CHSY3: variants seen among roughly 807,000 people sequenced by gnomAD.
The protein encoded by CHSY3 is N-acetylgalactosaminyl-proteoglycan 3-beta-glucuronosyltransferase 3.
Under a neutral mutation model 67.2 loss-of-function variants are expected in CHSY3, and 35 were observed. The observed-to-expected ratio is 0.52, with a 90% CI of 0.40 to 0.69. The LOEUF (loss-of-function observed/expected upper bound fraction) is 0.69. Ranked by LOEUF, CHSY3 falls within the 30% of genes least tolerant of loss-of-function variation. The pLI, the probability that CHSY3 is intolerant of heterozygous loss-of-function variation, is 0.00. For synonymous variants in CHSY3, 474 were observed against 434.7 expected (o/e 1.09, Z -1.12); for missense variants, 1,069 against 1,138.5 (o/e 0.94, Z 0.88).
intron 2 of CHSY3, among the ~76,000 whole-genome samples, chr5:130,021,105 T>C (rs1764377152): frequency 6.6e-6 from 1 of 152,184 alleles, no homozygotes; most frequent in Non-Finnish European, 1.5e-5. Context: ...ATTACCAATA[T>C]TTATGTAGCA....
At chr5:130,057,663 T>A (rs1192488095) in intron 2 of CHSY3, among the ~76,000 whole-genome samples, 1 of 152,182 alleles carries the variant, frequency 6.6e-6, no homozygotes, top group Non-Finnish European at 1.5e-5. Context: ...AATGTAAGTA[T>A]AAAAGGACTA....
At chr5:129,945,946 AAGAG>A (rs540234974) in intron 2 of CHSY3, among the ~76,000 whole-genome samples, 1 of 152,110 alleles carries the variant, frequency 6.6e-6, no homozygotes, top group Non-Finnish European at 1.5e-5. Context: ...TCAGAGAAAA[AAGAG>A]AGATTTTGAG....
chr5:130,135,113 A>AT (rs993435532), intron 2 of CHSY3, among the ~76,000 whole-genome samples: 7 of 152,074 alleles, frequency 4.6e-5, no homozygotes, highest in Non-Finnish European at 8.8e-5. Context: ...ATTTTTAAAC[A>AT]TACATACAGT....
chr5:130,078,200 CAA>C (rs1333459494), intron 2 of CHSY3, among the ~76,000 whole-genome samples: 2 of 152,094 alleles, frequency 1.3e-5, no homozygotes, highest in African/African-American at 4.8e-5. Context: ...GCCATCCGTA[CAA>C]CTTTACCTGG....
chr5:129,971,327 G>T (rs529632151), intron 2 of CHSY3, among the ~76,000 whole-genome samples: 5 of 151,728 alleles, frequency 3.3e-5, no homozygotes, highest in African/African-American at 1.2e-4. Context: ...TTAAAGATAT[G>T]AAATAATAAT....
intron 2 of CHSY3, among the ~76,000 whole-genome samples, chr5:130,057,880 T>C (rs1054438024): frequency 6.6e-6 from 1 of 151,890 alleles, no homozygotes; most frequent in Admixed American, 6.6e-5. Context: ...ATACTGCCTA[T>C]GTCAACACAT....
chr5:129,927,191 CT>C (rs1761145436), intron 2 of CHSY3, among the ~76,000 whole-genome samples: 1 of 151,630 alleles, frequency 6.6e-6, no homozygotes, highest in Admixed American at 6.6e-5. Context: ...TCTAATATTT[CT>C]TTGTTTTCTG....
upstream of CHSY3, chr5:129,904,359 C>T (rs2149570854): frequency 6.5e-6 from 1 of 153,146 alleles, no homozygotes. Context: ...GTGCCGCCTG[C>T]GGCTCCTCCT....
rs1387089506 is a variant in CHSY3, at chr5:129,905,182, C to T, written c.353C>T (p.Pro118Leu). The T allele has an allele frequency of 6.6e-7, 1 of 1,522,330 alleles. No homozygotes were observed. The highest frequency in any genetic ancestry group is 2.0e-5 in the Admixed American group (1 of 50,064). The allele number at this position is 1,522,330 out of a possible 1,614,324, so 94.3% of individuals were successfully genotyped here. ...PLQQRRRGRE[P>L]EGATGLPGAP... ...CAGCAGCGGCGGCGAGGACGCGAGCCTGAGGGCGCGACGGGGCTTCCCGGT... is the reference window on the plus strand; with the variant it reads ...CAGCAGCGGCGGCGAGGACGCGAGCTTGAGGGCGCGACGGGGCTTCCCGGT... The change falls in exon 1 of 3, where the codon CCT becomes CTT. Residue 118 changes from proline to leucine, a missense_variant. This residue lies in a region of CHSY3 where 309 missense variants were observed against 262.5 expected (regional missense o/e 1.18). Transcript: ENST00000305031.
Position 129,908,186 on chromosome 5 carries a change from T to C in CHSY3, c.912T>C (p.Pro304=). 2 of 1,614,164 alleles carry C rather than the reference T, an allele frequency of 1.2e-6. No homozygotes were observed. Among genetic ancestry groups the C allele is most frequent in the South Asian group, 2.2e-5 (2 of 91,076 alleles). The part of the protein sequence containing the change: ...IEELGKLGLE[P]GENFCMGGPG... ...AGCTTGGAAAGCTGGGACTGGAGCC[T>C]GGGGAAAACTTCTGTATGGGAGGAC... Residue 304 remains proline, a synonymous_variant, in exon 2 of 3, where the codon CCT becomes CCC. Coordinates refer to ENST00000305031, the MANE Select transcript of CHSY3 (RefSeq NM_175856.5).
intron 2 of CHSY3, among the ~76,000 whole-genome samples, chr5:130,118,683 G>T (rs115938853): frequency 1.3e-5 from 2 of 152,000 alleles, no homozygotes; most frequent in Non-Finnish European, 2.9e-5. Context: ...TTTTCCACAT[G>T]TAACCTTAAA....
chr5:130,079,111 A>T (rs1257897510), intron 2 of CHSY3, among the ~76,000 whole-genome samples: 1 of 152,164 alleles, frequency 6.6e-6, no homozygotes, highest in African/African-American at 2.4e-5. Flanking sequence ...TATTTGAAGG[A>T]AAACATCGTT....
intron 2 of CHSY3, among the ~76,000 whole-genome samples, chr5:130,030,556 A>C (rs1764677073): frequency 6.6e-6 from 1 of 152,158 alleles, no homozygotes; most frequent in Non-Finnish European, 1.5e-5. Flanking sequence ...GTTATTCTTT[A>C]GTCATTATTA....
Position 129,905,637 on chromosome 5 carries a change from C to T in CHSY3, c.802+6C>T. On this transcript the variant is annotated splice_donor_region_variant and intron_variant, in intron 1 of 2. Coordinates refer to ENST00000305031, the MANE Select transcript of CHSY3 (RefSeq NM_175856.5). ...CGACGATGTCTACATCAAAGGTGAC[C>T]TCCCTGCGCCGGCTTTCCAGCCTGC... The T allele has an allele frequency of 3.1e-6, 5 of 1,610,514 alleles. No individual in the cohort carries two copies. Among genetic ancestry groups the T allele is most frequent in the African/African-American group, 1.3e-5 (1 of 74,990 alleles).
chr5:129,946,441 G>A (rs531299454), intron 2 of CHSY3, among the ~76,000 whole-genome samples: 43 of 152,206 alleles, frequency 2.8e-4, no homozygotes, highest in African/African-American at 9.1e-4. Context: ...AAATTTAAGC[G>A]ACTGTTTTGT....
intron 2 of CHSY3, among the ~76,000 whole-genome samples, chr5:129,956,046 A>T (rs924037304): frequency 1.3e-5 from 2 of 152,158 alleles, no homozygotes; most frequent in African/African-American, 4.8e-5. Context: ...TGGGTATATG[A>T]TCAGTAATGG....
chr5:130,018,443 T>G (rs1764275069), intron 2 of CHSY3, among the ~76,000 whole-genome samples: 1 of 152,180 alleles, frequency 6.6e-6, no homozygotes, highest in Non-Finnish European at 1.5e-5. Flanking sequence ...TTTGAAATGG[T>G]CCTAGTAACT....
At chr5:129,923,257 C>G (rs1414727705) in intron 2 of CHSY3, among the ~76,000 whole-genome samples, 2 of 151,420 alleles carry the variant, frequency 1.3e-5, no homozygotes, top group Non-Finnish European at 2.9e-5. Flanking sequence ...TAATAATATT[C>G]CTAGAGATAG....
rs189985443 is a variant in CHSY3 at position 130,175,165 on chromosome 5, A to G, written c.1087-9064A>G. 2.4e-3 allele frequency among the ~76,000 whole-genome samples: 365 copies of G among 152,322 alleles called. 1 individual carries two copies. The highest frequency in any genetic ancestry group is 7.7e-3 in the African/African-American group (319 of 41,574). ...TAAAGCCCTTCAGCAAAGTCTCAGC[A>G]TACAAAATCAATGTGCAAAAATCAC... On this transcript the variant is annotated intron_variant, in intron 2 of 2. Coordinates refer to ENST00000305031, the MANE Select transcript of CHSY3 (RefSeq NM_175856.5).
Sources: allele counts gnomAD v4.1 joint callset (sites outside exome capture counted in the v4.1 genomes callset), GRCh38; gene constraint gnomAD v4.1.1; regional missense constraint gnomAD v4.1.1; transcripts MANE v1.5; gene names NCBI Gene and HGNC (gene_info 2026-07-23, HGNC 2026-07-21).